Variants in HECTD4 observed in about 807,000 individuals in gnomAD.
HECTD4 encodes the protein HECT domain E3 ubiquitin protein ligase 4.
Under a neutral mutation model 471.5 loss-of-function variants are expected in HECTD4, and 114 were observed. The ratio of observed to expected loss-of-function variants is 0.24; its 90% CI spans 0.21 to 0.28. The LOEUF (loss-of-function observed/expected upper bound fraction) is 0.28. Among genes scored for constraint, HECTD4 ranks in the 10% least tolerant of loss-of-function variants. The probability of loss-of-function intolerance (pLI) is 1.00; values close to 1 mark genes in which losing one functional copy is unlikely to be tolerated. For missense variants in HECTD4, 3,866 were observed against 5,651.5 expected (o/e 0.68, Z 10.13); for synonymous variants, 2,012 against 2,256.0 (o/e 0.89, Z 3.07).
At position 112,184,963 on chromosome 12, in the gene HECTD4, C is replaced by T. The variant is rs777191765; in HGVS notation, c.10003G>A (p.Asp3335Asn). The change falls in exon 61 of 76, where the codon GAC (aspartate) becomes AAC (asparagine). Residue 3335 changes from aspartate (D) to asparagine (N), a missense_variant. By Grantham distance (23) the Asp-to-Asn change is conservative. Transcript: ENST00000682272. The surrounding 1 kb of genome is among the most constrained non-coding windows in gnomAD (Gnocchi z 9.1). ...SGKRQSSRTV[D>N]SDPTVLSIGG... ...ATGCTGAGCACGGTGGGGTCCGAGT[C>T]CACGGTGCGGGAAGACTGGCGCTTG... 1.5e-5 allele frequency: 24 copies of T among 1,613,476 alleles called. No homozygotes were observed. The highest frequency in any genetic ancestry group is 2.0e-5 in the Non-Finnish European group (24 of 1,179,794).
chr12:112,264,233 T>C, intron 16 of HECTD4, 21 bp from the exon 17 acceptor site: 1 of 1,547,306 alleles, frequency 6.5e-7, no homozygotes, highest in Non-Finnish European at 8.7e-7. Flanking sequence ...AATAAGGGCA[T>C]TTAAATGATC....
intron 7 of HECTD4, among the ~76,000 whole-genome samples, chr12:112,300,167 T>G (rs570816893): frequency 2.6e-5 from 4 of 151,814 alleles, no homozygotes. Flanking sequence ...ATACAAAAAT[T>G]AGCTGGGCAT....
intron 12 of HECTD4, 62 bp downstream of exon 12, chr12:112,270,165 G>T: frequency 6.9e-7 from 1 of 1,442,264 alleles, no homozygotes; most frequent in Non-Finnish European, 9.6e-7. Flanking sequence ...TGAACTGGCT[G>T]AAGCCAAGGT....
chr12:112,256,410 A>G lies in HECTD4; in HGVS notation c.3237T>C (p.Tyr1079=). ...GGATATGGACCGTTTCTTTAAATTTATAGTTGTCTCTGACGGGGTGGACTG... is the reference window on the plus strand; with the variant it reads ...GGATATGGACCGTTTCTTTAAATTTGTAGTTGTCTCTGACGGGGTGGACTG... ...VETVHPVRDN[Y]KFKETVHIPG... The change falls in exon 21 of 76, where the codon TAT becomes TAC. Residue 1079 remains tyrosine (Y), a synonymous_variant. Transcript: ENST00000682272. 1 of 1,613,264 alleles carries G rather than the reference A, an allele frequency of 6.2e-7. No individual in the cohort carries two copies. Among genetic ancestry groups the G allele is most frequent in the Non-Finnish European group, 8.5e-7 (1 of 1,179,574 alleles).
chr12:112,302,794 C>G, intron 7 of HECTD4: 1 of 266,684 alleles, frequency 3.7e-6, no homozygotes, highest in East Asian at 1.0e-4. Context: ...AATTTTAAAA[C>G]TTTTTATTAG....
intron 1 of HECTD4, among the ~76,000 whole-genome samples, chr12:112,350,941 T>G (rs767964542): frequency 2.6e-5 from 4 of 152,174 alleles, no homozygotes; most frequent in Admixed American, 6.5e-5. Context: ...TAAGGGCCCA[T>G]TAGTCTCCCT....
intron 1 of HECTD4, among the ~76,000 whole-genome samples, chr12:112,362,804 C>G (rs111558238): frequency 0.016 from 2,461 of 151,948 alleles, 70 homozygotes; most frequent in African/African-American, 0.056. Flanking sequence ...CAGGCTCAAT[C>G]AGTCCTCCTG....
chr12:112,264,240 G>A (rs376421672), intron 16 of HECTD4, 28 bp from the exon 17 acceptor site: 187 of 1,504,054 alleles, frequency 1.2e-4, no homozygotes, highest in Admixed American at 2.9e-4. Flanking sequence ...GCATTTAAAT[G>A]ATCTAAATCC....
Position 112,216,368 on chromosome 12 carries a change from G to A in HECTD4, c.7389C>T (p.Asn2463=), listed in dbSNP as rs372763829. The A allele has an allele frequency of 1.2e-5, 18 of 1,549,490 alleles. No individual in the cohort carries two copies. Among genetic ancestry groups the A allele is most frequent in the South Asian group, 4.8e-5 (4 of 84,034 alleles). ...AGCCATTATAGTGCACGGCTCGGCC[G>A]TTGCTATGAAAAATACAAAGAAGGG... is the stretch of plus-strand genomic sequence containing the variant. The part of the protein sequence containing the change: ...NPVGTCLFHN[N]GRAVHYNGSS... Residue 2463 remains asparagine, a synonymous_variant, in exon 48 of 76, where the codon AAC becomes AAT. Coordinates refer to ENST00000682272, the MANE Select transcript of HECTD4 (RefSeq NM_001388303.1).
In HECTD4 at chr12:112,235,465, T is replaced by C. The variant is rs2033478157; in HGVS notation, c.5725+39A>G. ...GGGACCTGACTGGGCACAGGAATGC[T>C]GCACTGCCATGCTACTCTCCTGTTG... On this transcript the variant is annotated intron_variant, in intron 36 of 75. Transcript: ENST00000682272. This position sits in a 1 kb window ranked among gnomAD's most constrained non-coding sequence, Gnocchi z 5.0. 1 of 1,565,366 alleles carries C rather than the reference T, an allele frequency of 6.4e-7. No individual in the cohort carries two copies. Among genetic ancestry groups the C allele is most frequent in the Non-Finnish European group, 8.6e-7 (1 of 1,156,268 alleles).
intron 4 of HECTD4, among the ~76,000 whole-genome samples, chr12:112,312,074 G>A (rs2035385513): frequency 6.6e-6 from 1 of 152,200 alleles, no homozygotes; most frequent in African/African-American, 2.4e-5. Flanking sequence ...TGGTGGGGTT[G>A]CCCAGGAAGG....
intron 44 of HECTD4, among the ~76,000 whole-genome samples, chr12:112,221,751 T>C (rs1194855392): frequency 1.3e-5 from 2 of 151,428 alleles, no homozygotes; most frequent in Non-Finnish European, 2.9e-5. Flanking sequence ...GTTTTTCTTT[T>C]TCTTTTCTTT....
At chr12:112,354,511 A>G (rs543515330) in intron 1 of HECTD4, among the ~76,000 whole-genome samples, 1 of 152,214 alleles carries the variant, frequency 6.6e-6, no homozygotes, top group Non-Finnish European at 1.5e-5. Flanking sequence ...ACATGGTGAA[A>G]CCTCGTCTCT....
chr12:112,233,057 C>A lies in HECTD4; in HGVS notation c.5944G>T (p.Gly1982Cys), dbSNP rs1234167267. The A allele has an allele frequency of 6.2e-7, 1 of 1,611,796 alleles. No homozygotes were observed. The change falls in exon 38 of 76, where the codon GGT becomes TGT. Residue 1982 changes from glycine (G) to cysteine (C), a missense_variant. Physicochemically the swap from Gly to Cys is radical, Grantham distance 159. Coordinates refer to ENST00000682272, the MANE Select transcript of HECTD4 (RefSeq NM_001388303.1). ...SSSEGRPFRL[G>C]TGANMEKVVK... ...ACTTTCTCCATGTTGGCGCCAGTAC[C>A]AAGTCGGAAGGGCCGTCCTTCTGAA...
chr12:112,162,758 C>T lies in HECTD4; in HGVS notation c.13121-235G>A. 1 of 546,922 alleles carries T rather than the reference C, an allele frequency of 1.8e-6. No homozygotes were observed. The highest frequency in any genetic ancestry group is 2.8e-5 in the South Asian group (1 of 35,690). 33.9% of individuals were successfully genotyped at this position (546,922 alleles called of 1,614,324 possible). On this transcript the variant is annotated intron_variant, in intron 75 of 75. Coordinates refer to ENST00000682272, the MANE Select transcript of HECTD4 (RefSeq NM_001388303.1). This position sits in a 1 kb window ranked among gnomAD's most constrained non-coding sequence, Gnocchi z 5.2. ...ACTGCTGATGGGTTTGTCTGCCCAGCAAATTGTTTCTTTTTTTTTTTTTTT... is the reference window on the plus strand; with the variant it reads ...ACTGCTGATGGGTTTGTCTGCCCAGTAAATTGTTTCTTTTTTTTTTTTTTT...
chr12:112,256,496 G>A lies in HECTD4; in HGVS notation c.3151C>T (p.Pro1051Ser). 2 of 1,593,186 alleles carry A rather than the reference G, an allele frequency of 1.3e-6. No individual in the cohort carries two copies. Among genetic ancestry groups the A allele is most frequent in the Admixed American group, 1.8e-5 (1 of 55,330 alleles). Residue 1051 changes from proline to serine, a missense_variant, in exon 21 of 76, where the codon CCA (proline) becomes TCA (serine). Pro to Ser is a moderately conservative substitution (Grantham distance 74). Around this residue, in one of 16 missense-constraint regions of HECTD4, gnomAD observed 525 missense variants for 672.6 expected, o/e 0.78. Coordinates refer to ENST00000682272, the MANE Select transcript of HECTD4 (RefSeq NM_001388303.1). The part of the protein sequence containing the change: ...DERMLEEKEE[P>S]GFLTGLKIPA... ...ATCTTTAAACCAGTGAGAAATCCTG[G>A]CTCTTCCTTCTCTTCTAACATTCTA...
rs1232345142 is a variant in HECTD4, at chr12:112,163,379, C to T, written c.12898-115G>A. 7 of 1,111,734 alleles carry T rather than the reference C, an allele frequency of 6.3e-6. No homozygotes were observed. Among genetic ancestry groups the T allele is most frequent in the Non-Finnish European group, 9.0e-6 (7 of 781,118 alleles). The allele number at this position is 1,111,734 out of a possible 1,614,324, so 68.9% of individuals were successfully genotyped here. A position where few individuals can be genotyped will look rare whatever the true frequency, so the allele number is the denominator to read the frequency against. ...CCTGGGGCAGGGTGCAACGTGTGGG[C>T]TGTGAGCACAGGGAGATGACAATGA... is the stretch of plus-strand genomic sequence containing the variant. On this transcript the variant is annotated intron_variant, in intron 74 of 75. Coordinates refer to ENST00000682272, the MANE Select transcript of HECTD4 (RefSeq NM_001388303.1). The surrounding 1 kb of genome is among the most constrained non-coding windows in gnomAD (Gnocchi z 8.2).
At position 112,381,322 on chromosome 12, in the gene HECTD4, T is replaced by A. The variant is rs777379916; in HGVS notation, c.177+630A>T. On this transcript the variant is annotated intron_variant, in intron 1 of 75. Transcript: ENST00000682272. The surrounding 1 kb of genome is among the most constrained non-coding windows in gnomAD (Gnocchi z 4.1). The stretch of plus-strand genomic sequence containing the variant: ...CGCGCCAGTGACCCTTCCCCGAGAG[T>A]GCATGGAGGGCCGCTGGAGCATCCC... 4.7e-5 allele frequency among the ~76,000 whole-genome samples: 7 copies of A among 149,024 alleles called. No homozygotes were observed. Among genetic ancestry groups the A allele is most frequent in the Admixed American group, 3.3e-4 (5 of 15,032 alleles).
In HECTD4 at chr12:112,283,238, C is replaced by T; in HGVS notation, c.1400G>A (p.Gly467Asp). 3 of 1,613,606 alleles carry T rather than the reference C, an allele frequency of 1.9e-6. No homozygotes were observed. The highest frequency in any genetic ancestry group is 2.5e-6 in the Non-Finnish European group (3 of 1,179,702). The change falls in exon 8 of 76, where the codon GGC becomes GAC. Residue 467 changes from glycine (G) to aspartate (D), a missense_variant. By Grantham distance (94) the Gly-to-Asp change is moderately conservative. Coordinates refer to ENST00000682272, the MANE Select transcript of HECTD4 (RefSeq NM_001388303.1). ...CTCATTAATGCTTTTGGCAGATTCG[C>T]CCTCTTTTCTCATTAGAATTGTACG... Reference protein sequence around the residue: ...QERTILMRKEGESAKSINEML... With the variant: ...QERTILMRKEDESAKSINEML...
Sources: gnomAD v4.1 joint callset for allele counts (sites outside exome capture counted in the v4.1 genomes callset) on GRCh38, gnomAD v4.1.1 for gene constraint, gnomAD v4.1.1 regional missense constraint, Gnocchi (gnomAD v3.1) non-coding constraint, MANE v1.5 for transcripts, NCBI Gene and HGNC (gene_info 2026-07-23, HGNC 2026-07-21) for gene names.